The following FANCI variants were observed in gnomAD, a reference collection of about 807,000 sequenced individuals.
FANCI encodes Fanconi anemia group I protein.
FANCI carries 156 observed loss-of-function variants against 176.1 expected under a neutral mutation model. The observed-to-expected ratio is 0.89, with a 90% CI of 0.78 to 1.01. The LOEUF is 1.01. FANCI is among the 50% of genes least tolerant of loss of function. The probability of loss-of-function intolerance (pLI) is 0.00; values close to 1 mark genes in which losing one functional copy is unlikely to be tolerated. For missense variants in FANCI, 1,678 were observed against 1,534.1 expected (o/e 1.09, Z -1.57); for synonymous variants, 613 against 541.7 (o/e 1.13, Z -1.83).
chr15:89,281,787 C>G lies in FANCI; in HGVS notation c.1535C>G (p.Ser512Ter). The G allele has an allele frequency of 1.9e-6, 3 of 1,613,904 alleles. No homozygotes were observed. Among genetic ancestry groups the G allele is most frequent in the Non-Finnish European group, 2.5e-6 (3 of 1,179,900 alleles). The change falls in exon 16 of 38, where the codon TCA becomes TGA. Residue 512 changes from serine to a stop codon, truncating the protein, a stop_gained. Transcript: ENST00000310775. LOFTEE classifies it high-confidence loss of function. ...CAGCCCCTTCTCAAAGTCAGCATGT[C>G]AATGAGAGACTGCTTGATACTTGTC... Reference protein sequence around the residue: ...AVQPLLKVSMSMRDCLILVLR... With the variant: ...AVQPLLKVSM
chr15:89,294,694 G>T (rs1276514083), intron 23 of FANCI, among the ~76,000 whole-genome samples: 1 of 152,114 alleles, frequency 6.6e-6, no homozygotes, highest in African/African-American at 2.4e-5. Flanking sequence ...AAGGATTTGG[G>T]GAGGGAGAGA....
At chr15:89,305,526 G>A (rs2054684498) in intron 30 of FANCI, 79 bp from the exon 31 acceptor site, 1 of 1,591,826 alleles carries the variant, frequency 6.3e-7, no homozygotes. Context: ...CCCACCTGTA[G>A]GTGGCCAGGT....
rs138046861 is a variant in FANCI, at chr15:89,288,022, T to C, written c.1822-2191T>C. Among the ~76,000 whole-genome samples the C allele has an allele frequency of 5.7e-4, 87 of 152,244 alleles. 1 individual carries two copies. The East Asian group carries it at 0.014, about 25-fold the overall frequency. ...CAGAGACATGCAGTGAGCACATGCT[T>C]TTGGAAAAATGGTACTGAGAGACTT... On this transcript the variant is annotated intron_variant, in intron 18 of 37. Transcript: ENST00000310775.
At chr15:89,272,716 G>A (rs2053245183) in intron 10 of FANCI, among the ~76,000 whole-genome samples, 1 of 151,722 alleles carries the variant, frequency 6.6e-6, no homozygotes, top group South Asian at 2.1e-4. Context: ...GGACTTTTTT[G>A]GGGGATGCAG....
chr15:89,259,749 A>G (rs2052637934), intron 3 of FANCI, among the ~76,000 whole-genome samples: 2 of 152,202 alleles, frequency 1.3e-5, no homozygotes, highest in African/African-American at 4.8e-5. Context: ...ATCATTCTAT[A>G]TATGGTCCTT....
chr15:89,273,390 G>C lies in FANCI; in HGVS notation c.896G>C (p.Gly299Ala). The C allele has an allele frequency of 6.3e-7, 1 of 1,596,362 alleles. No homozygotes were observed. Among genetic ancestry groups the C allele is most frequent in the Non-Finnish European group, 8.6e-7 (1 of 1,165,724 alleles). ...LVKHLKVGQQGDSNNNLSPFS... is the reference protein window; with the variant it reads ...LVKHLKVGQQADSNNNLSPFS... Reference sequence around the variant, plus strand: ...GCTCTCTTCTAGGTAGGACAGCAAGGAGATTCCAATAATAACTTAAGTCCC... The same window carrying C: ...GCTCTCTTCTAGGTAGGACAGCAAGCAGATTCCAATAATAACTTAAGTCCC... Residue 299 changes from glycine to alanine, a missense_variant, in exon 11 of 38, where the codon GGA becomes GCA. This residue lies in a region of FANCI where 469 missense variants were observed against 436.9 expected (regional missense o/e 1.07). Coordinates refer to ENST00000310775, the MANE Select transcript of FANCI (RefSeq NM_001113378.2).
intron 2 of FANCI, among the ~76,000 whole-genome samples, chr15:89,249,218 A>T (rs945326432): frequency 6.6e-6 from 1 of 152,232 alleles, no homozygotes; most frequent in African/African-American, 2.4e-5. Context: ...ACTCAGAGTA[A>T]AAAATTATAA....
At chr15:89,254,859 C>G (rs1182105872) in intron 2 of FANCI, among the ~76,000 whole-genome samples, 1 of 152,108 alleles carries the variant, frequency 6.6e-6, no homozygotes, top group Non-Finnish European at 1.5e-5. Flanking sequence ...AAGGAGTTCT[C>G]TTGCTTACAG....
chr15:89,302,390 G>A (rs1475276433), intron 27 of FANCI, among the ~76,000 whole-genome samples: 1 of 152,016 alleles, frequency 6.6e-6, no homozygotes, highest in Non-Finnish European at 1.5e-5. Flanking sequence ...AAAGAGGAAA[G>A]GACTGAGAAA....
At chr15:89,284,979 T>A in intron 17 of FANCI, 117 bp from the exon 18 acceptor site, 1 of 1,134,698 alleles carries the variant, frequency 8.8e-7, no homozygotes, top group Non-Finnish European at 1.3e-6. Context: ...GTCTCACCCC[T>A]GGGGTTTGGC....
intron 24 of FANCI, among the ~76,000 whole-genome samples, chr15:89,296,908 C>A (rs1480041815): frequency 4.7e-5 from 7 of 148,192 alleles, no homozygotes; most frequent in Non-Finnish European, 7.5e-5. Context: ...GGCGGCTGGC[C>A]GGGCGGGGGG....
At chr15:89,296,060 C>G (rs1027327490) in intron 24 of FANCI, among the ~76,000 whole-genome samples, 1 of 152,100 alleles carries the variant, frequency 6.6e-6, no homozygotes, top group African/African-American at 2.4e-5. Context: ...CTCGGCCTCC[C>G]CGGTTCAAGT....
chr15:89,264,272 T>C (rs2052844715), intron 8 of FANCI, among the ~76,000 whole-genome samples: 1 of 152,196 alleles, frequency 6.6e-6, no homozygotes, highest in Non-Finnish European at 1.5e-5. Flanking sequence ...CCACATTTTC[T>C]TTGCGGAGGT....
rs1296744474 is a variant in FANCI at position 89,260,783 on chromosome 15, G to A, written c.228G>A (p.Val76=). Residue 76 remains valine (V), a synonymous_variant, in exon 4 of 38, where the codon GTG becomes GTA. Transcript: ENST00000310775. ...RKIYTCCIQL[V]ESGDLQKEIA... Reference sequence around the variant, plus strand: ...TATACACTTGTTGTATCCAGTTGGTGGAATCGGGGGATTTGCAGAAAGAAA... The same window carrying A: ...TATACACTTGTTGTATCCAGTTGGTAGAATCGGGGGATTTGCAGAAAGAAA... 2 of 1,613,878 alleles carry A rather than the reference G, an allele frequency of 1.2e-6. No homozygotes were observed. Among genetic ancestry groups the A allele is most frequent in the Admixed American group, 1.7e-5 (1 of 60,000 alleles).
Position 89,311,565 on chromosome 15 carries a change from GGTCA to G in FANCI, c.3652-1336_3652-1333del, listed in dbSNP as rs554499393. 1.2e-4 allele frequency among the ~76,000 whole-genome samples: 18 copies of G among 152,280 alleles called. No individual in the cohort carries two copies. The South Asian group carries it at 3.5e-3, about 30-fold the overall frequency. On this transcript the variant is annotated intron_variant, in intron 34 of 37. Transcript: ENST00000310775. ...TGGGAAGATGGTTCACTTCCCACTT[GGTCA>G]GTGAGGTCGATCCGTGACTGCTTCC... is the stretch of plus-strand genomic sequence containing the variant.
intron 7 of FANCI, 120 bp downstream of exon 7, chr15:89,263,580 T>G (rs755583691): frequency 2.1e-6 from 2 of 951,510 alleles, no homozygotes; most frequent in East Asian, 5.0e-5. Flanking sequence ...TTAGTAGTTA[T>G]GTTTTCTGTT....
intron 18 of FANCI, among the ~76,000 whole-genome samples, chr15:89,288,801 GT>G (rs1223076648): frequency 1.7e-4 from 24 of 142,786 alleles, no homozygotes; most frequent in Admixed American, 4.2e-4. Flanking sequence ...TTTTCTGTTT[GT>G]TTTTTTTTTT....
chr15:89,293,695 T>C, intron 22 of FANCI, 138 bp from the exon 23 acceptor site: 1 of 933,806 alleles, frequency 1.1e-6, no homozygotes, highest in Admixed American at 2.0e-5. Context: ...GAGTATTATA[T>C]TAATGAAGTT....
intron 1 of FANCI, among the ~76,000 whole-genome samples, chr15:89,247,069 CTTT>C (rs762096766): frequency 6.6e-5 from 9 of 135,858 alleles, no homozygotes; most frequent in Non-Finnish European, 4.8e-5. Context: ...GTGCCGGCCT[CTTT>C]TTTTTTTTTT....
Sources: gnomAD v4.1 joint callset for allele counts (sites outside exome capture counted in the v4.1 genomes callset) on GRCh38, gnomAD v4.1.1 for gene constraint, gnomAD v4.1.1 regional missense constraint, MANE v1.5 for transcripts, NCBI Gene and HGNC (gene_info 2026-07-23, HGNC 2026-07-21) for gene names.